Variants in DMRT1 observed in about 807,000 individuals in gnomAD.
DMRT1 encodes doublesex- and mab-3-related transcription factor 1.
DMRT1 carries 7 observed loss-of-function variants against 32.3 expected under a neutral mutation model. The ratio of observed to expected loss-of-function variants is 0.22; its 90% CI spans 0.12 to 0.41. The LOEUF is 0.41. Among genes scored for constraint, DMRT1 ranks in the 10% least tolerant of loss-of-function variants. DMRT1 has a pLI of 1.00. For synonymous variants in DMRT1, 278 were observed against 206.1 expected (o/e 1.35, Z -2.99); for missense variants, 625 against 500.5 (o/e 1.25, Z -2.37).
chr9:925,817 G>C (rs1818504479), intron 4 of DMRT1, among the ~76,000 whole-genome samples: 1 of 152,168 alleles, frequency 6.6e-6, no homozygotes, highest in African/African-American at 2.4e-5. Context: ...GTGCCTGTTA[G>C]GTAGGGGAAA....
chr9:860,179 C>G (rs1003751493), intron 2 of DMRT1, among the ~76,000 whole-genome samples: 1 of 152,070 alleles, frequency 6.6e-6, no homozygotes, highest in Non-Finnish European at 1.5e-5. Flanking sequence ...TGCCTGTAGT[C>G]CTAGCTACTT....
chr9:911,470 A>ATTT lies in DMRT1; in HGVS notation c.823-5254_823-5252dup, dbSNP rs201141931. On this transcript the variant is annotated intron_variant, in intron 3 of 4. Coordinates refer to ENST00000382276, the MANE Select transcript of DMRT1 (RefSeq NM_021951.3). ...CCATGCCTTTTTCTGGGTTAATTGC[A>ATTT]TTTTTTTTTTTTTTTTTTTTTTTTT... 5.8e-4 allele frequency among the ~76,000 whole-genome samples: 39 copies of ATTT among 66,990 alleles called. 7 individuals carry two copies. Among genetic ancestry groups the ATTT allele is most frequent in the South Asian group, 1.4e-3 (3 of 2,188 alleles). The allele number at this position is 66,990 out of a possible 152,430, so 43.9% of individuals were successfully genotyped here.
chr9:930,446 C>T (rs1818676688), intron 4 of DMRT1, among the ~76,000 whole-genome samples: 1 of 151,546 alleles, frequency 6.6e-6, no homozygotes, highest in South Asian at 2.1e-4. Flanking sequence ...GAGTTTCGCT[C>T]TGTCGCCCAG....
At chr9:943,357 C>T (rs1819140018) in intron 4 of DMRT1, among the ~76,000 whole-genome samples, 1 of 152,196 alleles carries the variant, frequency 6.6e-6, no homozygotes, top group Non-Finnish European at 1.5e-5. Context: ...AGCCCTGGGG[C>T]AGGAAGTGAC....
intron 1 of DMRT1, 176 bp downstream of exon 1, chr9:842,368 G>A: frequency 2.5e-6 from 2 of 789,318 alleles, no homozygotes; most frequent in Non-Finnish European, 3.9e-6. Flanking sequence ...CCAAGTAGCT[G>A]GGACTACAGG....
At position 861,846 on chromosome 9, in the gene DMRT1, C is replaced by G. The variant is rs552423882; in HGVS notation, c.538+14703C>G. On this transcript the variant is annotated intron_variant, in intron 2 of 4. Transcript: ENST00000382276. The stretch of plus-strand genomic sequence containing the variant: ...CAGACGGGGCGGCCGGTCAGAGACG[C>G]TCCTCACCTCCCAGACGGGGTCGCG... Among the ~76,000 whole-genome samples the G allele has an allele frequency of 1.3e-5, 2 of 148,772 alleles. 1 individual carries two copies. Among genetic ancestry groups the G allele is most frequent in the Non-Finnish European group, 3.0e-5 (2 of 67,144 alleles).
chr9:931,561 A>C (rs1217609343), intron 4 of DMRT1, among the ~76,000 whole-genome samples: 1 of 152,162 alleles, frequency 6.6e-6, no homozygotes. Context: ...TGGAGGCTGG[A>C]AGTCCAAGAT....
chr9:940,026 C>G (rs1314911573), intron 4 of DMRT1, among the ~76,000 whole-genome samples: 1 of 152,038 alleles, frequency 6.6e-6, no homozygotes, highest in East Asian at 1.9e-4. Context: ...ACTTTACACC[C>G]ATTAGAAAGG....
intron 2 of DMRT1, among the ~76,000 whole-genome samples, chr9:856,999 C>A (rs899445192): frequency 6.6e-6 from 1 of 152,186 alleles, no homozygotes; most frequent in Non-Finnish European, 1.5e-5. Context: ...TTTAGGTTTG[C>A]ATTTTATTAT....
intron 2 of DMRT1, among the ~76,000 whole-genome samples, chr9:883,627 C>CAA (rs781000476): frequency 7.0e-4 from 68 of 97,060 alleles, no homozygotes; most frequent in African/African-American, 2.0e-3. Context: ...CCTGTCTCTA[C>CAA]AAAAAAAAAA....
chr9:953,550 T>G (rs1017272971), intron 4 of DMRT1, among the ~76,000 whole-genome samples: 2 of 152,240 alleles, frequency 1.3e-5, no homozygotes, highest in African/African-American at 4.8e-5. Flanking sequence ...TTCTTCTCTC[T>G]CGCCTGCAGG....
At chr9:871,529 G>C (rs1179437230) in intron 2 of DMRT1, among the ~76,000 whole-genome samples, 1 of 137,082 alleles carries the variant, frequency 7.3e-6, no homozygotes, top group Admixed American at 7.5e-5. Flanking sequence ...TTTTGGTAGA[G>C]ACGGGGTTTC....
At chr9:934,213 TA>T (rs1447561790) in intron 4 of DMRT1, among the ~76,000 whole-genome samples, 1 of 152,212 alleles carries the variant, frequency 6.6e-6, no homozygotes, top group African/African-American at 2.4e-5. Context: ...CCTTATCAGA[TA>T]GAAGATGTGC....
chr9:885,598 G>T (rs562668617), intron 2 of DMRT1, among the ~76,000 whole-genome samples: 4 of 152,214 alleles, frequency 2.6e-5, no homozygotes, highest in South Asian at 2.1e-4. Flanking sequence ...CAATCTACTC[G>T]TCTCAATGCC....
intron 1 of DMRT1, among the ~76,000 whole-genome samples, chr9:844,141 TTAG>T (rs1363754455): frequency 1.8e-4 from 27 of 152,146 alleles, no homozygotes; most frequent in Admixed American, 1.8e-3. Context: ...ATAACCTTTA[TTAG>T]TAGAGGAGGC....
chr9:903,837 T>A (rs913044258), intron 3 of DMRT1, among the ~76,000 whole-genome samples: 53 of 152,196 alleles, frequency 3.5e-4, no homozygotes, highest in Admixed American at 3.4e-3. Context: ...TCCTAAGGGA[T>A]TGTTTTTTCA....
chr9:897,690 A>G (rs535526046), intron 3 of DMRT1, among the ~76,000 whole-genome samples: 3 of 152,172 alleles, frequency 2.0e-5, no homozygotes, highest in South Asian at 2.1e-4. Flanking sequence ...TTTTAAAATC[A>G]TGTTTGTTCA....
At chr9:894,802 T>G (rs1034311178) in intron 3 of DMRT1, 1 of 159,458 alleles carries the variant, frequency 6.3e-6, no homozygotes, top group African/African-American at 2.4e-5. Context: ...TTTTTTTTTT[T>G]GTTTGTTTGT....
chr9:842,559 T>TC, intron 1 of DMRT1, among the ~76,000 whole-genome samples: 1 of 152,094 alleles, frequency 6.6e-6, no homozygotes, highest in East Asian at 1.9e-4. Context: ...TTGAATGAAG[T>TC]CCCCCCAGCA....
Sources: allele counts gnomAD v4.1 joint callset (sites outside exome capture counted in the v4.1 genomes callset), GRCh38; gene constraint gnomAD v4.1.1; transcripts MANE v1.5; gene names NCBI Gene and HGNC (gene_info 2026-07-23, HGNC 2026-07-21).